The following HAPLN1 variants were observed in gnomAD, a reference collection of about 807,000 sequenced individuals.
The protein encoded by HAPLN1 is Cartilage link protein.
A neutral mutation model predicts 36.5 loss-of-function variants in HAPLN1; 13 were observed. The observed-to-expected ratio is 0.36, with a 90% CI of 0.23 to 0.57. HAPLN1 has a LOEUF of 0.57. Ranked by LOEUF, HAPLN1 falls within the 20% of genes least tolerant of loss-of-function variation. The probability of loss-of-function intolerance (pLI) is 0.83; values close to 1 mark genes in which losing one functional copy is unlikely to be tolerated. For missense variants in HAPLN1, 407 were observed against 439.7 expected (o/e 0.93, Z 0.66); for synonymous variants, 202 against 169.8 (o/e 1.19, Z -1.48).
chr5:83,695,587 T>C (rs1001507912), intron 1 of HAPLN1, among the ~76,000 whole-genome samples: 13 of 138,946 alleles, frequency 9.4e-5, no homozygotes, highest in Admixed American at 9.1e-4. Context: ...TATATAGAGA[T>C]AAATATATAT....
At chr5:83,687,331 TC>T (rs1751154093) in intron 1 of HAPLN1, among the ~76,000 whole-genome samples, 1 of 152,192 alleles carries the variant, frequency 6.6e-6, no homozygotes, top group African/African-American at 2.4e-5. Flanking sequence ...ATTTGCATTT[TC>T]TAGTGATAGT....
intron 2 of HAPLN1, among the ~76,000 whole-genome samples, chr5:83,659,591 A>T (rs1750325054): frequency 6.6e-6 from 1 of 152,166 alleles, no homozygotes; most frequent in African/African-American, 2.4e-5. Flanking sequence ...TAAAAATCTT[A>T]TAAAAATAAA....
intron 4 of HAPLN1, 133 bp downstream of exon 4, chr5:83,644,230 T>G: frequency 1.4e-6 from 1 of 727,692 alleles, no homozygotes; most frequent in Non-Finnish European, 2.0e-6. Flanking sequence ...TTATATCTTT[T>G]TAAACTACAG....
chr5:83,642,110 T>C (rs1004146558), intron 4 of HAPLN1, among the ~76,000 whole-genome samples: 80 of 152,140 alleles, frequency 5.3e-4, no homozygotes, highest in African/African-American at 1.9e-3. Context: ...CAGAATTCCA[T>C]GTTAAAAGCA....
In HAPLN1 at chr5:83,648,422, T is replaced by TATATATATATAC. The variant is rs1472679524; in HGVS notation, c.473-3758_473-3757insGTATATATATAT. ...ATATATATATATATATATATATATATATATATATATATATATGGTTTGAAT... is the reference window on the plus strand; with the variant it reads ...ATATATATATATATATATATATATATATATATATATACATATATATATATATATGGTTTGAAT... On this transcript the variant is annotated intron_variant, in intron 3 of 4. Coordinates refer to ENST00000274341, the MANE Select transcript of HAPLN1 (RefSeq NM_001884.4). Among the ~76,000 whole-genome samples the TATATATATATAC allele has an allele frequency of 1.6e-4, 21 of 131,792 alleles. No individual in the cohort carries two copies. In the South Asian group the frequency reaches 1.9e-3, roughly 12 times the overall value. The allele number at this position is 131,792 out of a possible 152,430, so 86.5% of individuals were successfully genotyped here.
chr5:83,706,111 A>G (rs1228448867), intron 1 of HAPLN1, among the ~76,000 whole-genome samples: 2 of 151,376 alleles, frequency 1.3e-5, no homozygotes, highest in Non-Finnish European at 2.9e-5. Context: ...ATCGAAAAAA[A>G]AAAAAAACAA....
intron 1 of HAPLN1, among the ~76,000 whole-genome samples, chr5:83,676,382 G>A (rs1406709533): frequency 6.6e-6 from 1 of 152,090 alleles, no homozygotes; most frequent in African/African-American, 2.4e-5. Flanking sequence ...AATCCAGGGA[G>A]GTGAGAATGG....
chr5:83,666,997 G>A (rs1183781499), intron 2 of HAPLN1, among the ~76,000 whole-genome samples: 1 of 152,116 alleles, frequency 6.6e-6, no homozygotes, highest in Non-Finnish European at 1.5e-5. Context: ...ATATATTTCT[G>A]TTACCATGAT....
intron 2 of HAPLN1, among the ~76,000 whole-genome samples, chr5:83,659,864 A>C (rs919799015): frequency 2.0e-5 from 3 of 152,050 alleles, no homozygotes; most frequent in Non-Finnish European, 4.4e-5. Flanking sequence ...CCATAAAGGA[A>C]AAAAATCTAA....
chr5:83,658,975 T>C (rs1189800103), intron 2 of HAPLN1, among the ~76,000 whole-genome samples: 1 of 152,062 alleles, frequency 6.6e-6, no homozygotes, highest in Non-Finnish European at 1.5e-5. Flanking sequence ...CCTACTTTAT[T>C]TGAATTTGAA....
intron 1 of HAPLN1, among the ~76,000 whole-genome samples, chr5:83,701,747 G>T (rs1751511880): frequency 6.6e-6 from 1 of 152,174 alleles, no homozygotes; most frequent in Non-Finnish European, 1.5e-5. Flanking sequence ...GGACCAGCCT[G>T]GCCAACACGG....
chr5:83,647,131 T>C (rs998003894), intron 3 of HAPLN1, among the ~76,000 whole-genome samples: 2 of 152,224 alleles, frequency 1.3e-5, no homozygotes, highest in Admixed American at 6.5e-5. Context: ...TAGTAATTTG[T>C]CCTTGATTAA....
At chr5:83,710,148 G>A (rs1751745056) in intron 1 of HAPLN1, among the ~76,000 whole-genome samples, 2 of 152,228 alleles carry the variant, frequency 1.3e-5, no homozygotes, top group South Asian at 4.1e-4. Context: ...GGAGTCGCCA[G>A]CACATAGCTG....
intron 3 of HAPLN1, among the ~76,000 whole-genome samples, chr5:83,645,631 TA>T (rs567112596): frequency 5.8e-4 from 88 of 152,158 alleles, no homozygotes; most frequent in African/African-American, 1.9e-3. Context: ...AGAAAATAAT[TA>T]AACAACTTTA....
At chr5:83,654,963 T>C (rs1431924704) in intron 2 of HAPLN1, among the ~76,000 whole-genome samples, 1 of 152,212 alleles carries the variant, frequency 6.6e-6, no homozygotes, top group East Asian at 1.9e-4. Flanking sequence ...GGCTGACCAA[T>C]ACGAGGTGTA....
At chr5:83,677,014 A>G (rs1423035783) in intron 1 of HAPLN1, among the ~76,000 whole-genome samples, 2 of 152,214 alleles carry the variant, frequency 1.3e-5, no homozygotes, top group African/African-American at 4.8e-5. Context: ...AAATGCAGAT[A>G]TACTAATATC....
At chr5:83,660,298 G>A (rs1310824762) in intron 2 of HAPLN1, among the ~76,000 whole-genome samples, 1 of 152,120 alleles carries the variant, frequency 6.6e-6, no homozygotes, top group Non-Finnish European at 1.5e-5. Context: ...ACTATGTTAT[G>A]ATCCATGTTT....
chr5:83,670,364 C>A (rs1040532477), intron 2 of HAPLN1, among the ~76,000 whole-genome samples: 1 of 152,122 alleles, frequency 6.6e-6, no homozygotes, highest in African/African-American at 2.4e-5. Flanking sequence ...GGCCCCTCTT[C>A]CTGTAGAGGT....
chr5:83,660,684 T>C (rs1431710457), intron 2 of HAPLN1, among the ~76,000 whole-genome samples: 1 of 152,156 alleles, frequency 6.6e-6, no homozygotes, highest in East Asian at 1.9e-4. Flanking sequence ...GTTGATAAAG[T>C]TGTTTGTGGC....
Sources: gnomAD v4.1 joint callset for allele counts (sites outside exome capture counted in the v4.1 genomes callset) on GRCh38, gnomAD v4.1.1 for gene constraint, MANE v1.5 for transcripts, NCBI Gene and HGNC (gene_info 2026-07-23, HGNC 2026-07-21) for gene names.